CYP2C19: variants seen among roughly 807,000 people sequenced by gnomAD.
The protein encoded by CYP2C19 is cytochrome P450 family 2 subfamily C member 19, also known as cytochrome P450 2C19.
In CYP2C19, 59 loss-of-function variants were observed where a neutral mutation model predicts 40.9. That is an observed-to-expected ratio of 1.44 (90% CI 1.17 to 1.79). The LOEUF is 1.79. Among genes scored for constraint, CYP2C19 ranks in the 40% most tolerant of loss-of-function variants. CYP2C19 has a pLI of 0.00. For missense variants in CYP2C19, 754 were observed against 596.9 expected (o/e 1.26, Z -2.74); for synonymous variants, 253 against 208.7 (o/e 1.21, Z -1.83).
At chr10:94,843,258 CT>C (rs1265342176) in intron 7 of CYP2C19, among the ~76,000 whole-genome samples, 1 of 152,186 alleles carries the variant, frequency 6.6e-6, no homozygotes, top group Non-Finnish European at 1.5e-5. Flanking sequence ...GTTCTGGCTA[CT>C]CTTAAGTGGT....
At chr10:94,820,386 A>G in intron 5 of CYP2C19, 110 bp from the exon 6 acceptor site, 7 of 1,280,302 alleles carry the variant, frequency 5.5e-6, no homozygotes, top group Non-Finnish European at 7.8e-6. Context: ...CTAGTACTAT[A>G]CTTTACAGTT....
At chr10:94,766,954 GA>G (rs1465490480) in intron 1 of CYP2C19, among the ~76,000 whole-genome samples, 1 of 152,134 alleles carries the variant, frequency 6.6e-6, no homozygotes, top group African/African-American at 2.4e-5. Flanking sequence ...TCTCCTGGTT[GA>G]AACAACTCTG....
chr10:94,766,665 C>CT (rs1359155351), intron 1 of CYP2C19, among the ~76,000 whole-genome samples: 1 of 151,886 alleles, frequency 6.6e-6, no homozygotes, highest in Non-Finnish European at 1.5e-5. Context: ...TGGTAGGAGC[C>CT]TTTTTAGTCT....
At position 94,780,586 on chromosome 10, in the gene CYP2C19, A is replaced by G. The variant is rs1461567761; in HGVS notation, c.569A>G (p.Lys190Arg). The G allele has an allele frequency of 6.2e-7, 1 of 1,613,834 alleles. No homozygotes were observed. The highest frequency in any genetic ancestry group is 8.5e-7 in the Non-Finnish European group (1 of 1,179,936). Reference sequence around the variant, plus strand: ...ATTTTCCAGAAACGTTTCGATTATAAAGATCAGCAATTTCTTAACTTGATG... The same window carrying G: ...ATTTTCCAGAAACGTTTCGATTATAGAGATCAGCAATTTCTTAACTTGATG... The part of the protein sequence containing the change: ...SIIFQKRFDY[K>R]DQQFLNLMEK... Residue 190 changes from lysine to arginine, a missense_variant, in exon 4 of 9, where the codon AAA becomes AGA. Physicochemically the swap from Lys to Arg is conservative, Grantham distance 26 (BLOSUM62 2). Coordinates refer to ENST00000371321, the MANE Select transcript of CYP2C19 (RefSeq NM_000769.4).
In CYP2C19 at chr10:94,820,941, G is replaced by A. The variant is rs17884823; in HGVS notation, c.961+304G>A. Among the ~76,000 whole-genome samples, 478 of 152,154 alleles carry A rather than the reference G, an allele frequency of 3.1e-3. 3 individuals are homozygous for A. Among genetic ancestry groups the A allele is most frequent in the African/African-American group, 0.011 (453 of 41,532 alleles). On this transcript the variant is annotated intron_variant, in intron 6 of 8. Coordinates refer to ENST00000371321, the MANE Select transcript of CYP2C19 (RefSeq NM_000769.4). ...TCTACTAAAAATACAAAACGTAGCC[G>A]GGCATTGTGGCACACCACTGTAATC...
At position 94,855,246 on chromosome 10, in the gene CYP2C19, T is replaced by C. The variant is rs1303203503; in HGVS notation, c.*2332T>C. 6.6e-6 allele frequency among the ~76,000 whole-genome samples: 1 copy of C among 152,184 alleles called. No homozygotes were observed. The highest frequency in any genetic ancestry group is 2.4e-5 in the African/African-American group (1 of 41,448). On this transcript the variant is annotated 3_prime_UTR_variant, in exon 9 of 9. Transcript: ENST00000371321. ...CTTCATGTCCAGACATTATTTAGCC[T>C]ACCATACTATTATTATACCCATTTG...
Position 94,815,550 on chromosome 10 carries a change from C to G in CYP2C19, c.820-4946C>G, listed in dbSNP as rs190777341. On this transcript the variant is annotated intron_variant, in intron 5 of 8. Transcript: ENST00000371321. ...TCTCTGAACTTCCAAATTTTGAGAA[C>G]TCCAGTCTCTGAGTCTTGGCATATG... 1.8e-3 allele frequency among the ~76,000 whole-genome samples: 276 copies of G among 152,354 alleles called. 8 individuals are homozygous for G. The East Asian group carries it at 0.045, about 25-fold the overall frequency.
At chr10:94,802,557 T>C (rs892406260) in intron 5 of CYP2C19, among the ~76,000 whole-genome samples, 1 of 152,198 alleles carries the variant, frequency 6.6e-6, no homozygotes, top group Non-Finnish European at 1.5e-5. Context: ...TCTGTGTCTT[T>C]TAACTAGGGT....
intron 6 of CYP2C19, among the ~76,000 whole-genome samples, chr10:94,832,421 G>A (rs1159444834): frequency 6.6e-6 from 1 of 152,164 alleles, no homozygotes; most frequent in Non-Finnish European, 1.5e-5. Context: ...TCACTACCAT[G>A]ACAACAGTAT....
Position 94,820,390 on chromosome 10 carries a change from T to C in CYP2C19, c.820-106T>C, listed in dbSNP as rs183096701. The C allele has an allele frequency of 1.1e-5, 14 of 1,314,228 alleles. 1 individual carries two copies. Among genetic ancestry groups the C allele is most frequent in the Admixed American group, 3.7e-5 (2 of 54,242 alleles). 81.4% of individuals were successfully genotyped at this position (1,314,228 alleles called of 1,614,324 possible). A position where few individuals can be genotyped will look rare whatever the true frequency, so the allele number is the denominator to read the frequency against. ...AATATTTTTTTCTAGTACTATACTTTACAGTTTCTATGTTGGTAAGTATAC... is the reference window on the plus strand; with the variant it reads ...AATATTTTTTTCTAGTACTATACTTCACAGTTTCTATGTTGGTAAGTATAC... On this transcript the variant is annotated intron_variant, in intron 5 of 8. Coordinates refer to ENST00000371321, the MANE Select transcript of CYP2C19 (RefSeq NM_000769.4).
intron 3 of CYP2C19, among the ~76,000 whole-genome samples, chr10:94,780,218 A>C (rs1444096834): frequency 6.6e-6 from 1 of 151,502 alleles, no homozygotes; most frequent in Non-Finnish European, 1.5e-5. Context: ...TTTCTAAAAA[A>C]GTCTCTTTTT....
chr10:94,845,691 C>T (rs1849563409), intron 7 of CYP2C19, among the ~76,000 whole-genome samples: 2 of 152,052 alleles, frequency 1.3e-5, no homozygotes, highest in Non-Finnish European at 2.9e-5. Flanking sequence ...CTATAAATTT[C>T]TATTTATTCA....
chr10:94,799,260 G>A (rs771960137), intron 5 of CYP2C19, among the ~76,000 whole-genome samples: 8 of 151,892 alleles, frequency 5.3e-5, no homozygotes, highest in South Asian at 2.1e-4. Flanking sequence ...CTTCATTTAC[G>A]AGGCTTAGTT....
chr10:94,821,582 TAAG>T (rs1419305874), intron 6 of CYP2C19, among the ~76,000 whole-genome samples: 2 of 152,160 alleles, frequency 1.3e-5, no homozygotes, highest in Non-Finnish European at 2.9e-5. Context: ...TTGGATAAAA[TAAG>T]AATATTTTTG....
intron 6 of CYP2C19, among the ~76,000 whole-genome samples, chr10:94,832,387 A>G (rs11188090): frequency 0.28 from 42,214 of 152,136 alleles, 7,349 homozygotes; most frequent in Admixed American, 0.43. Context: ...CATTTATAAA[A>G]CCATCAGATC....
At chr10:94,793,619 G>A (rs973592369) in intron 5 of CYP2C19, among the ~76,000 whole-genome samples, 4 of 152,132 alleles carry the variant, frequency 2.6e-5, no homozygotes, top group African/African-American at 9.7e-5. Flanking sequence ...GTTTGCTGGA[G>A]GTCCACTCCA....
chr10:94,769,004 G>C (rs898209743), intron 1 of CYP2C19, among the ~76,000 whole-genome samples: 2 of 152,140 alleles, frequency 1.3e-5, no homozygotes, highest in Non-Finnish European at 2.9e-5. Flanking sequence ...GTTGGCAAAA[G>C]TCGGTGATTC....
At chr10:94,782,671 T>C (rs781550339) in intron 5 of CYP2C19, among the ~76,000 whole-genome samples, 7 of 152,138 alleles carry the variant, frequency 4.6e-5, no homozygotes, top group Non-Finnish European at 1.0e-4. Flanking sequence ...ATTTGTTTAT[T>C]GTGCCACTAT....
chr10:94,795,636 C>T (rs1274115123), intron 5 of CYP2C19, among the ~76,000 whole-genome samples: 1 of 152,058 alleles, frequency 6.6e-6, no homozygotes, highest in Non-Finnish European at 1.5e-5. Flanking sequence ...TAAAAGTGTT[C>T]CTATTTCTCC....
Sources: allele counts gnomAD v4.1 joint callset (sites outside exome capture counted in the v4.1 genomes callset), GRCh38; gene constraint gnomAD v4.1.1; transcripts MANE v1.5; gene names NCBI Gene and HGNC (gene_info 2026-07-23, HGNC 2026-07-21).